POT1: variants seen among roughly 807,000 people sequenced by gnomAD.
POT1 encodes the protein protection of telomeres 1, also known as protection of telomeres protein 1.
A neutral mutation model predicts 78.5 loss-of-function variants in POT1; 47 were observed. The observed-to-expected ratio is 0.60, with a 90% CI of 0.47 to 0.76. The LOEUF is 0.76. Ranked by LOEUF, POT1 falls within the 30% of genes least tolerant of loss-of-function variation. The pLI is 0.00. For missense variants in POT1, 646 were observed against 749.9 expected (o/e 0.86, Z 1.62); for synonymous variants, 259 against 260.7 (o/e 0.99, Z 0.06).
At chr7:124,829,365 CCATA>C (rs1562974752) in intron 15 of POT1, 23 bp from the exon 16 acceptor site, 2 of 1,396,786 alleles carry the variant, frequency 1.4e-6, no homozygotes, top group Non-Finnish European at 2.0e-6. Flanking sequence ...AAAGAAAGAA[CCATA>C]AATATTTAAA....
chr7:124,838,040 T>A (rs935008963), intron 14 of POT1, among the ~76,000 whole-genome samples: 1 of 152,116 alleles, frequency 6.6e-6, no homozygotes, highest in Non-Finnish European at 1.5e-5. Context: ...CTAGGAATAT[T>A]GGGGAACTTC....
intron 12 of POT1, among the ~76,000 whole-genome samples, chr7:124,845,937 C>A (rs1281689730): frequency 6.6e-6 from 1 of 152,056 alleles, no homozygotes; most frequent in African/African-American, 2.4e-5. Context: ...AACTGAGAAC[C>A]CCCTTACTTT....
intron 5 of POT1, 35 bp downstream of exon 5, chr7:124,897,130 T>C (rs762416488): frequency 8.8e-6 from 12 of 1,368,334 alleles, no homozygotes; most frequent in African/African-American, 2.9e-5. Context: ...CAGGTATAGG[T>C]GTAATACTCT....
At position 124,825,299 on chromosome 7, in the gene POT1, C is replaced by T; in HGVS notation, c.1745G>A (p.Ser582Asn). ...EVLMDDDLQK[S>N]VDMIMDMFCP... ...AAACATATCCATGATCATATCCACA[C>T]TTTTCTGAAGGTCATCATCCATCAG... Residue 582 changes from serine to asparagine, a missense_variant, in exon 18 of 19, where the codon AGT becomes AAT. Coordinates refer to ENST00000357628, the MANE Select transcript of POT1 (RefSeq NM_015450.3). 1 of 1,610,976 alleles carries T rather than the reference C, an allele frequency of 6.2e-7. No homozygotes were observed.
intron 6 of POT1, among the ~76,000 whole-genome samples, chr7:124,882,258 T>C (rs1306912061): frequency 6.6e-6 from 1 of 151,998 alleles, no homozygotes; most frequent in Non-Finnish European, 1.5e-5. Context: ...TTTAAACCAA[T>C]CAGTATTTGA....
At chr7:124,854,255 T>C (rs982961115) in intron 9 of POT1, among the ~76,000 whole-genome samples, 16 of 152,028 alleles carry the variant, frequency 1.1e-4, no homozygotes, top group African/African-American at 3.9e-4. Flanking sequence ...ATATATGTTA[T>C]ACACATCACC....
chr7:124,835,157 G>A (rs2116442948), intron 15 of POT1, 122 bp downstream of exon 15: 11 of 1,162,084 alleles, frequency 9.5e-6, no homozygotes, highest in East Asian at 2.6e-5. Flanking sequence ...ACGGGTTGAT[G>A]GGTGCAGCAA....
intron 6 of POT1, among the ~76,000 whole-genome samples, chr7:124,886,143 C>T (rs577196480): frequency 6.6e-6 from 1 of 152,240 alleles, no homozygotes; most frequent in Admixed American, 6.5e-5. Context: ...TGCCAAATTG[C>T]TAATTGCTTC....
chr7:124,859,835 G>C (rs558727005), intron 8 of POT1, among the ~76,000 whole-genome samples: 1 of 150,012 alleles, frequency 6.7e-6, no homozygotes, highest in Non-Finnish European at 1.5e-5. Context: ...TGAGAGTATT[G>C]CTCAGAAAAA....
At position 124,822,453 on chromosome 7, in the gene POT1, C is replaced by G. The variant is rs1283641474; in HGVS notation, c.*1509G>C. The G allele has an allele frequency of 4.9e-6, 2 of 410,534 alleles. No homozygotes were observed. Among genetic ancestry groups the G allele is most frequent in the Non-Finnish European group, 5.1e-6 (1 of 197,498 alleles). 25.4% of individuals were successfully genotyped at this position (410,534 alleles called of 1,614,324 possible). A position where few individuals can be genotyped will look rare whatever the true frequency, so the allele number is the denominator to read the frequency against. On this transcript the variant is annotated 3_prime_UTR_variant, in exon 19 of 19. Coordinates refer to ENST00000357628, the MANE Select transcript of POT1 (RefSeq NM_015450.3). ...GACATGGCCTATCATCATGAAGATT[C>G]ATAGGAAGAGTTTTCCTTTGTTAAC...
At chr7:124,874,464 ATG>A (rs923101738) in intron 6 of POT1, among the ~76,000 whole-genome samples, 5 of 152,120 alleles carry the variant, frequency 3.3e-5, no homozygotes, top group African/African-American at 1.2e-4. Flanking sequence ...TAGAATAAAA[ATG>A]GAAGACACTG....
At chr7:124,843,673 T>A (rs1795086914) in intron 12 of POT1, among the ~76,000 whole-genome samples, 1 of 152,214 alleles carries the variant, frequency 6.6e-6, no homozygotes, top group African/African-American at 2.4e-5. Context: ...CAGTTTTTAC[T>A]GGGAAAAAGT....
At chr7:124,884,085 A>G (rs192746721) in intron 6 of POT1, among the ~76,000 whole-genome samples, 2 of 152,260 alleles carry the variant, frequency 1.3e-5, no homozygotes, top group East Asian at 3.9e-4. Flanking sequence ...ATGTGCAACC[A>G]GTATTGCTAA....
Position 124,915,630 on chromosome 7 carries a change from A to G in POT1, c.-210T>C, listed in dbSNP as rs547550963. ...ATTTCCACGATAAGTTAAAGAAGAG[A>G]TAAGTGAAAGTTTTCCCTGAAATGA... On this transcript the variant is annotated 5_prime_UTR_variant, in exon 3 of 19. Coordinates refer to ENST00000357628, the MANE Select transcript of POT1 (RefSeq NM_015450.3). 37 of 152,252 alleles carry G rather than the reference A, an allele frequency of 2.4e-4. No individual in the cohort carries two copies. Among genetic ancestry groups the G allele is most frequent in the African/African-American group, 8.4e-4 (35 of 41,570 alleles). 9.4% of individuals were successfully genotyped at this position (152,252 alleles called of 1,614,324 possible).
intron 3 of POT1, among the ~76,000 whole-genome samples, chr7:124,903,729 T>A (rs1330241768): frequency 1.3e-5 from 2 of 151,998 alleles, no homozygotes; most frequent in Non-Finnish European, 2.9e-5. Context: ...AATCAATGAA[T>A]CCAGGAGCTA....
At chr7:124,852,877 G>T in intron 10 of POT1, 95 bp downstream of exon 10, 1 of 1,115,818 alleles carries the variant, frequency 9.0e-7, no homozygotes, top group Non-Finnish European at 1.3e-6. Flanking sequence ...TGGCACAAAA[G>T]GCTAGGGAAC....
At chr7:124,917,413 T>C (rs1441624112) in intron 2 of POT1, among the ~76,000 whole-genome samples, 2 of 152,100 alleles carry the variant, frequency 1.3e-5, no homozygotes, top group African/African-American at 2.4e-5. Flanking sequence ...CTCTAGTGCA[T>C]TGAAGCACCA....
chr7:124,835,986 G>A (rs1794892330), intron 14 of POT1, among the ~76,000 whole-genome samples: 1 of 152,102 alleles, frequency 6.6e-6, no homozygotes, highest in Non-Finnish European at 1.5e-5. Context: ...ATTATTAGAA[G>A]GCAGTGTCCT....
intron 8 of POT1, among the ~76,000 whole-genome samples, chr7:124,859,318 GAA>G (rs1273642476): frequency 6.6e-6 from 1 of 152,050 alleles, no homozygotes; most frequent in Non-Finnish European, 1.5e-5. Flanking sequence ...ATGTAAAGGA[GAA>G]AAAGAGTCAC....
Sources: allele counts gnomAD v4.1 joint callset (sites outside exome capture counted in the v4.1 genomes callset), GRCh38; gene constraint gnomAD v4.1.1; transcripts MANE v1.5; gene names NCBI Gene and HGNC (gene_info 2026-07-23, HGNC 2026-07-21).